Variants in NINL observed in about 807,000 individuals in gnomAD.
NINL encodes ninein like.
In NINL, 153 loss-of-function variants were observed where a neutral mutation model predicts 160.3. That is an observed-to-expected ratio of 0.95 (90% CI 0.84 to 1.09). The LOEUF is 1.09. Among genes scored for constraint, NINL ranks in the 50% least tolerant of loss-of-function variants. NINL has a pLI of 0.00. For synonymous variants in NINL, 800 were observed against 734.8 expected (o/e 1.09, Z -1.43); for missense variants, 1,829 against 1,764.0 (o/e 1.04, Z -0.66).
chr20:25,505,339 G>GA (rs141428761), intron 5 of NINL, among the ~76,000 whole-genome samples: 3 of 149,452 alleles, frequency 2.0e-5, no homozygotes, highest in Non-Finnish European at 3.0e-5. Flanking sequence ...TGCTGGTTGG[G>GA]GGGGGGTCAC....
intron 22 of NINL, among the ~76,000 whole-genome samples, chr20:25,456,945 T>TA (rs1331629818): frequency 2.0e-5 from 3 of 151,090 alleles, no homozygotes; most frequent in Admixed American, 1.3e-4. Context: ...AATAAATAAA[T>TA]ACATAAAATG....
At chr20:25,491,591 C>G (rs990220792) in intron 10 of NINL, 66 bp from the exon 11 acceptor site, 21 of 1,546,558 alleles carry the variant, frequency 1.4e-5, no homozygotes, top group Non-Finnish European at 1.7e-5. Context: ...CACGCCACCC[C>G]CTTCCTAGCC....
intron 1 of NINL, among the ~76,000 whole-genome samples, chr20:25,536,747 C>T (rs2064563166): frequency 3.2e-4 from 6 of 18,750 alleles, no homozygotes. Context: ...CCAGTAAAAG[C>T]CCAGACAACA....
intron 17 of NINL, among the ~76,000 whole-genome samples, chr20:25,471,148 A>C (rs1011238711): frequency 6.6e-6 from 1 of 151,940 alleles, no homozygotes; most frequent in Non-Finnish European, 1.5e-5. Flanking sequence ...GGCATGCGCC[A>C]CCACGCCTGG....
At chr20:25,575,273 C>A (rs895737998) in intron 1 of NINL, among the ~76,000 whole-genome samples, 8 of 150,324 alleles carry the variant, frequency 5.3e-5, no homozygotes, top group African/African-American at 2.0e-4. Flanking sequence ...ATGGTGAAAC[C>A]CCGTCTCTAC....
intron 17 of NINL, among the ~76,000 whole-genome samples, chr20:25,470,926 T>C (rs1177198618): frequency 6.6e-6 from 1 of 152,234 alleles, no homozygotes; most frequent in East Asian, 1.9e-4. Flanking sequence ...CTAACGTGTA[T>C]TCCCCAAATA....
At chr20:25,545,391 T>TA (rs1198503430) in intron 1 of NINL, among the ~76,000 whole-genome samples, 2 of 152,198 alleles carry the variant, frequency 1.3e-5, no homozygotes, top group African/African-American at 2.4e-5. Flanking sequence ...GAGCCAGACT[T>TA]AGACTGTAGA....
intron 11 of NINL, among the ~76,000 whole-genome samples, chr20:25,490,494 G>A (rs1295572159): frequency 6.6e-6 from 1 of 151,636 alleles, no homozygotes; most frequent in Non-Finnish European, 1.5e-5. Context: ...TGGGAGGCGG[G>A]GCTTGCAGTG....
At chr20:25,558,035 G>C (rs1440851315) in intron 1 of NINL, among the ~76,000 whole-genome samples, 1 of 151,806 alleles carries the variant, frequency 6.6e-6, no homozygotes, top group East Asian at 1.9e-4. Flanking sequence ...CAGCTACTCG[G>C]GAGGCTGAAG....
At chr20:25,470,992 C>T (rs2063081009) in intron 17 of NINL, among the ~76,000 whole-genome samples, 1 of 152,164 alleles carries the variant, frequency 6.6e-6, no homozygotes, top group Admixed American at 6.5e-5. Context: ...CTGAAAGCCA[C>T]ATGATCTCAC....
At chr20:25,457,694 G>C (rs2090724357) in intron 22 of NINL, among the ~76,000 whole-genome samples, 1 of 152,196 alleles carries the variant, frequency 6.6e-6, no homozygotes, top group African/African-American at 2.4e-5. Flanking sequence ...GATCTCTCCT[G>C]AAGTCTGTCC....
chr20:25,491,228 C>T (rs918618977), intron 11 of NINL, 123 bp downstream of exon 11: 1 of 1,236,154 alleles, frequency 8.1e-7, no homozygotes, highest in Non-Finnish European at 1.1e-6. Flanking sequence ...TCGGGCCCTG[C>T]CCTGAAACAT....
chr20:25,464,805 T>G (rs1170639870), intron 19 of NINL, among the ~76,000 whole-genome samples: 1 of 152,188 alleles, frequency 6.6e-6, no homozygotes, highest in East Asian at 1.9e-4. Context: ...CTCCTCAGCT[T>G]CTGTGTCTCA....
chr20:25,556,059 T>C (rs183866594), intron 1 of NINL, among the ~76,000 whole-genome samples: 18 of 151,330 alleles, frequency 1.2e-4, no homozygotes, highest in African/African-American at 2.9e-4. Context: ...GGCAGGAGGA[T>C]TGCTTGAGCC....
At position 25,481,993 on chromosome 20, in the gene NINL, C is replaced by T; in HGVS notation, c.1785G>A (p.Arg595=). The T allele has an allele frequency of 6.3e-7, 1 of 1,597,856 alleles. No individual in the cohort carries two copies. Among genetic ancestry groups the T allele is most frequent in the Non-Finnish European group, 8.5e-7 (1 of 1,179,146 alleles). ...CTGCTGGGCCGAGTCCAGGGAGCTG[C>T]CGTCTGCGCCCATCCGGGCTCCATG... ...SPSWSPDGRR[R]QLPGLGPAGI... The change falls in exon 14 of 24, where the codon CGG becomes CGA. Residue 595 remains arginine, a synonymous_variant. Coordinates refer to ENST00000278886, the MANE Select transcript of NINL (RefSeq NM_025176.6).
chr20:25,460,052 A>G (rs1485443283), intron 21 of NINL, among the ~76,000 whole-genome samples: 1 of 151,842 alleles, frequency 6.6e-6, no homozygotes, highest in East Asian at 1.9e-4. Context: ...TTGCCCTCTG[A>G]GCTCCCCTGG....
chr20:25,459,594 G>A (rs1037517744), intron 21 of NINL, among the ~76,000 whole-genome samples: 5 of 152,254 alleles, frequency 3.3e-5, no homozygotes, highest in Admixed American at 1.3e-4. Context: ...GGACTCCCAC[G>A]CATCAAGCAC....
At chr20:25,469,347 C>A (rs1239804074) in intron 18 of NINL, among the ~76,000 whole-genome samples, 1 of 138,840 alleles carries the variant, frequency 7.2e-6, no homozygotes, top group African/African-American at 2.7e-5. Context: ...CCCTGTCCCC[C>A]GACTTTCACT....
chr20:25,489,551 G>A (rs1326950704), intron 12 of NINL, among the ~76,000 whole-genome samples: 1 of 151,596 alleles, frequency 6.6e-6, no homozygotes, highest in Non-Finnish European at 1.5e-5. Context: ...CTCATCCCTG[G>A]AGCCCAGACC....
Sources: gnomAD v4.1 joint callset for allele counts (sites outside exome capture counted in the v4.1 genomes callset) on GRCh38, gnomAD v4.1.1 for gene constraint, MANE v1.5 for transcripts, NCBI Gene and HGNC (gene_info 2026-07-23, HGNC 2026-07-21) for gene names.